The following CAMK1D variants were observed in gnomAD, a reference collection of about 807,000 sequenced individuals.
CAMK1D encodes calcium/calmodulin-dependent protein kinase type 1D.
In CAMK1D, 9 loss-of-function variants were observed where a neutral mutation model predicts 47.7. The observed-to-expected ratio is 0.19, with a 90% CI of 0.11 to 0.33. The LOEUF is 0.33. CAMK1D is among the 10% of genes least tolerant of loss of function. The pLI, the probability that CAMK1D is intolerant of heterozygous loss-of-function variation, is 1.00. For synonymous variants in CAMK1D, 184 were observed against 184.9 expected (o/e 0.99, Z 0.04); for missense variants, 291 against 488.7 (o/e 0.60, Z 3.81).
chr10:12,425,603 C>T (rs1423247065), intron 1 of CAMK1D, among the ~76,000 whole-genome samples: 2 of 152,144 alleles, frequency 1.3e-5, no homozygotes, highest in Non-Finnish European at 2.9e-5. Flanking sequence ...TTGCCTACGC[C>T]CTCCAGAACC....
At chr10:12,517,094 T>C (rs1835233433) in intron 1 of CAMK1D, among the ~76,000 whole-genome samples, 1 of 152,254 alleles carries the variant, frequency 6.6e-6, no homozygotes, top group South Asian at 2.1e-4. Flanking sequence ...ATCCTGTATG[T>C]ACGTTGTTAT....
intron 2 of CAMK1D, among the ~76,000 whole-genome samples, chr10:12,578,333 G>A (rs1404802373): frequency 1.3e-5 from 2 of 152,116 alleles, no homozygotes; most frequent in Admixed American, 6.5e-5. Context: ...CACTTGGGGA[G>A]GCTTAGGCGG....
intron 4 of CAMK1D, among the ~76,000 whole-genome samples, chr10:12,764,254 G>A (rs1836638774): frequency 6.6e-6 from 1 of 151,924 alleles, no homozygotes; most frequent in African/African-American, 2.4e-5. Context: ...GGTGGCAGGT[G>A]CCTGTAATCC....
At chr10:12,673,665 A>T (rs1305157109) in intron 3 of CAMK1D, among the ~76,000 whole-genome samples, 2 of 152,260 alleles carry the variant, frequency 1.3e-5, no homozygotes, top group Admixed American at 6.5e-5. Flanking sequence ...TTTTAATAGC[A>T]TAATAATATG....
chr10:12,491,175 G>A (rs956069319), intron 1 of CAMK1D, among the ~76,000 whole-genome samples: 2 of 146,950 alleles, frequency 1.4e-5, no homozygotes, highest in African/African-American at 5.0e-5. Context: ...GTGTGTCTGC[G>A]TGCATGTGTG....
intron 3 of CAMK1D, among the ~76,000 whole-genome samples, chr10:12,748,526 G>A (rs1025769037): frequency 6.6e-6 from 1 of 152,116 alleles, no homozygotes; most frequent in African/African-American, 2.4e-5. Context: ...CTTGCTTTCT[G>A]GAATGTGAAT....
intron 1 of CAMK1D, among the ~76,000 whole-genome samples, chr10:12,464,256 A>G (rs1833524455): frequency 6.6e-6 from 1 of 152,210 alleles, no homozygotes; most frequent in African/African-American, 2.4e-5. Flanking sequence ...TACCTAGCAG[A>G]GGCCTCGGCA....
intron 1 of CAMK1D, among the ~76,000 whole-genome samples, chr10:12,449,585 C>T (rs1424398852): frequency 6.7e-6 from 1 of 149,940 alleles, no homozygotes; most frequent in East Asian, 2.0e-4. Context: ...ATCAAAACAT[C>T]ATGTTACGAT....
chr10:12,466,920 CT>C (rs1833609075), intron 1 of CAMK1D, among the ~76,000 whole-genome samples: 1 of 152,032 alleles, frequency 6.6e-6, no homozygotes, highest in African/African-American at 2.4e-5. Context: ...GGCACATTTG[CT>C]TGTTTAAAAT....
intron 1 of CAMK1D, among the ~76,000 whole-genome samples, chr10:12,378,689 A>T (rs1188641285): frequency 1.3e-5 from 2 of 151,336 alleles, no homozygotes; most frequent in East Asian, 1.9e-4. Context: ...AGTGACTAAA[A>T]TTTTCTTAGG....
intron 1 of CAMK1D, among the ~76,000 whole-genome samples, chr10:12,423,512 C>A (rs1392127211): frequency 6.7e-6 from 1 of 149,120 alleles, no homozygotes; most frequent in Admixed American, 6.7e-5. Context: ...GAGTCTGTTT[C>A]TAAAGAAAAA....
chr10:12,719,174 A>G (rs1319096103), intron 3 of CAMK1D, among the ~76,000 whole-genome samples: 4 of 152,184 alleles, frequency 2.6e-5, no homozygotes, highest in African/African-American at 9.6e-5. Context: ...TGGGAGGCTG[A>G]GGCGGGTGGA....
chr10:12,429,891 A>G (rs1210779805), intron 1 of CAMK1D, among the ~76,000 whole-genome samples: 2 of 151,996 alleles, frequency 1.3e-5, no homozygotes, highest in Non-Finnish European at 2.9e-5. Context: ...GCATTAATGT[A>G]CTTGGTTAGC....
At chr10:12,579,994 A>G (rs913575257) in intron 2 of CAMK1D, among the ~76,000 whole-genome samples, 2 of 152,160 alleles carry the variant, frequency 1.3e-5, no homozygotes, top group Non-Finnish European at 2.9e-5. Context: ...ATCCTTTAGG[A>G]GAGTGTCTGC....
intron 3 of CAMK1D, among the ~76,000 whole-genome samples, chr10:12,708,413 A>T (rs1007553): frequency 6.6e-6 from 1 of 152,056 alleles, no homozygotes; most frequent in Non-Finnish European, 1.5e-5. Context: ...AGAGTAACGC[A>T]TATGCTGTGC....
intron 1 of CAMK1D, among the ~76,000 whole-genome samples, chr10:12,543,626 A>G (rs2815636): frequency 0.17 from 26,297 of 152,166 alleles, 2,488 homozygotes; most frequent in South Asian, 0.25. Flanking sequence ...CAGGAGAAGG[A>G]TAAAAAACCA....
intron 1 of CAMK1D, among the ~76,000 whole-genome samples, chr10:12,443,839 A>G (rs911933986): frequency 5.3e-5 from 8 of 152,188 alleles, no homozygotes; most frequent in African/African-American, 1.9e-4. Flanking sequence ...CATGTTGGCC[A>G]GGATGGTCTC....
intron 1 of CAMK1D, among the ~76,000 whole-genome samples, chr10:12,460,865 C>T (rs558735045): frequency 7.9e-5 from 12 of 152,332 alleles, no homozygotes; most frequent in African/African-American, 2.9e-4. Context: ...GCACTCCTGG[C>T]CTCCCAATTC....
Position 12,825,555 on chromosome 10 carries a change from T to G in CAMK1D, c.922-18T>G. The G allele has an allele frequency of 6.2e-7, 1 of 1,604,576 alleles. No homozygotes were observed. The highest frequency in any genetic ancestry group is 8.5e-7 in the Non-Finnish European group (1 of 1,176,330). ...TAGCTGAAATATTTGTCTGCTTTTT[T>G]CCTTTCTGAAATTTCAGCAAGCATT... is the stretch of plus-strand genomic sequence containing the variant. On this transcript the variant is annotated intron_variant, in intron 9 of 10. Transcript: ENST00000619168.
Sources: gnomAD v4.1 joint callset for allele counts (sites outside exome capture counted in the v4.1 genomes callset) on GRCh38, gnomAD v4.1.1 for gene constraint, MANE v1.5 for transcripts, NCBI Gene and HGNC (gene_info 2026-07-23, HGNC 2026-07-21) for gene names.